SFMBT2: variants seen among roughly 807,000 people sequenced by gnomAD.
The protein encoded by SFMBT2 is Scm like with four mbt domains 2.
SFMBT2 carries 38 observed loss-of-function variants against 110.1 expected under a neutral mutation model. The observed-to-expected ratio is 0.35, with a 90% CI of 0.27 to 0.45. The LOEUF (loss-of-function observed/expected upper bound fraction) is 0.45. Among genes scored for constraint, SFMBT2 ranks in the 20% least tolerant of loss-of-function variants. The probability of loss-of-function intolerance (pLI) is 1.00; values close to 1 mark genes in which losing one functional copy is unlikely to be tolerated. For synonymous variants in SFMBT2, 425 were observed against 425.4 expected, an observed-to-expected ratio of 1.00 and a Z score of 0.01; for missense variants, 1,011 against 1,094.9, an observed-to-expected ratio of 0.92 and a Z score of 1.08.
intron 1 of SFMBT2, among the ~76,000 whole-genome samples, chr10:7,392,541 C>T (rs757231234): frequency 3.9e-5 from 6 of 152,098 alleles, no homozygotes; most frequent in Non-Finnish European, 8.8e-5. Flanking sequence ...AGTATCCTGC[C>T]ACTGTAATTT....
chr10:7,284,127 T>C lies in SFMBT2; in HGVS notation c.549A>G (p.Ile183Met), dbSNP rs1384307666. 1 of 1,614,126 alleles carries C rather than the reference T, an allele frequency of 6.2e-7. No homozygotes were observed. The highest frequency in any genetic ancestry group is 8.5e-7 in the Non-Finnish European group (1 of 1,180,002). ...LEGPLRGKGP[I>M]DLITVGSLIE... Reference sequence around the variant, plus strand: ...TTAAGGAACCAACTGTAATGAGGTCTATAGGGCCTTTCCCTCGCAGAGGCT... The same window carrying C: ...TTAAGGAACCAACTGTAATGAGGTCCATAGGGCCTTTCCCTCGCAGAGGCT... Residue 183 changes from isoleucine to methionine, a missense_variant, in exon 6 of 21, where the codon ATA (isoleucine) becomes ATG (methionine). Physicochemically the swap from Ile to Met is conservative, Grantham distance 10. Around this residue, in one of 2 missense-constraint regions of SFMBT2, gnomAD observed 979 missense variants for 1,016.1 expected, o/e 0.96. Coordinates refer to ENST00000397167, the MANE Select transcript of SFMBT2 (RefSeq NM_001387889.1).
chr10:7,301,077 A>C lies in SFMBT2; in HGVS notation c.437-15123T>G, dbSNP rs1352671372. On this transcript the variant is annotated intron_variant, in intron 4 of 20. Coordinates refer to ENST00000397167, the MANE Select transcript of SFMBT2 (RefSeq NM_001387889.1). The surrounding 1 kb of genome is among the most constrained non-coding windows in gnomAD (Gnocchi z 4.2). Reference sequence around the variant, plus strand: ...AGGTAACTCAGTGAAGGAAGGAGTAAACCCCAGATACCGTGGAAGCCCTGG... The same window carrying C: ...AGGTAACTCAGTGAAGGAAGGAGTACACCCCAGATACCGTGGAAGCCCTGG... Among the ~76,000 whole-genome samples the C allele has an allele frequency of 6.6e-6, 1 of 152,194 alleles. No homozygotes were observed.
chr10:7,305,172 T>C (rs952526537), intron 4 of SFMBT2, among the ~76,000 whole-genome samples: 4 of 152,158 alleles, frequency 2.6e-5, no homozygotes, highest in African/African-American at 9.7e-5. Context: ...ATCTCAAAAA[T>C]AAACCTTCAA....
chr10:7,308,528 G>A (rs1214248011), intron 4 of SFMBT2, among the ~76,000 whole-genome samples: 1 of 152,044 alleles, frequency 6.6e-6, no homozygotes, highest in East Asian at 1.9e-4. Context: ...ACATTAATGG[G>A]GCCAAGGACA....
intron 4 of SFMBT2, among the ~76,000 whole-genome samples, chr10:7,343,357 G>A (rs918024272): frequency 1.3e-5 from 2 of 152,080 alleles, no homozygotes; most frequent in Non-Finnish European, 2.9e-5. Flanking sequence ...GAACACACAC[G>A]TGCATGTGTC....
chr10:7,317,193 A>C (rs1233828105), intron 4 of SFMBT2, among the ~76,000 whole-genome samples: 3 of 151,896 alleles, frequency 2.0e-5, no homozygotes, highest in Non-Finnish European at 4.4e-5. Flanking sequence ...GCCCACACTA[A>C]ATCCATGGGC....
chr10:7,208,750 T>C (rs895378803), intron 11 of SFMBT2, among the ~76,000 whole-genome samples: 2 of 152,172 alleles, frequency 1.3e-5, no homozygotes, highest in East Asian at 3.9e-4. Flanking sequence ...ATTACAACTT[T>C]CATCTTCCAA....
chr10:7,175,927 T>A (rs141739754), intron 17 of SFMBT2, 63 bp downstream of exon 17: 1 of 1,450,314 alleles, frequency 6.9e-7, no homozygotes, highest in Non-Finnish European at 9.4e-7. Flanking sequence ...AAAAACCAAA[T>A]ACCTTAGAGT....
chr10:7,287,640 G>A (rs2131849945), intron 4 of SFMBT2, among the ~76,000 whole-genome samples: 1 of 152,270 alleles, frequency 6.6e-6, no homozygotes, highest in South Asian at 2.1e-4. Context: ...CCTCCACGTG[G>A]GCAGCCCGGG....
At chr10:7,346,788 G>A (rs1564451142) in intron 4 of SFMBT2, among the ~76,000 whole-genome samples, 4 of 149,076 alleles carry the variant, frequency 2.7e-5, no homozygotes. Flanking sequence ...TGGCCAACAT[G>A]GTGAAACCTC....
intron 6 of SFMBT2, among the ~76,000 whole-genome samples, chr10:7,282,290 C>A (rs1289780272): frequency 6.6e-6 from 1 of 152,152 alleles, no homozygotes; most frequent in East Asian, 1.9e-4. Context: ...CATTCCTGCT[C>A]GTGAGCGTGA....
chr10:7,234,688 G>C (rs79374258), intron 9 of SFMBT2, among the ~76,000 whole-genome samples: 426 of 152,210 alleles, frequency 2.8e-3, no homozygotes, highest in African/African-American at 9.9e-3. Flanking sequence ...CGGGCGGGAC[G>C]ATCTGACAGT....
At chr10:7,197,159 C>G (rs1157179914) in intron 15 of SFMBT2, among the ~76,000 whole-genome samples, 1 of 152,084 alleles carries the variant, frequency 6.6e-6, no homozygotes, top group Non-Finnish European at 1.5e-5. Flanking sequence ...TGATTAACAC[C>G]CTCTGCTGCC....
chr10:7,328,259 G>A (rs1418554159), intron 4 of SFMBT2, among the ~76,000 whole-genome samples: 4 of 152,176 alleles, frequency 2.6e-5, no homozygotes, highest in Non-Finnish European at 4.4e-5. Context: ...TTTGCCATCT[G>A]TATATCTTCT....
intron 20 of SFMBT2, among the ~76,000 whole-genome samples, chr10:7,168,016 C>T (rs1463776064): frequency 2.0e-5 from 3 of 151,280 alleles, no homozygotes; most frequent in South Asian, 4.2e-4. Context: ...TGCAGTGAGC[C>T]GAGATCGCGC....
intron 11 of SFMBT2, among the ~76,000 whole-genome samples, chr10:7,217,369 T>A (rs1447909143): frequency 6.6e-6 from 1 of 152,200 alleles, no homozygotes; most frequent in African/African-American, 2.4e-5. Flanking sequence ...TGAAAAATTT[T>A]TTCAATAAAA....
intron 2 of SFMBT2, among the ~76,000 whole-genome samples, chr10:7,376,221 C>T (rs1412264711): frequency 1.3e-5 from 2 of 152,164 alleles, no homozygotes; most frequent in African/African-American, 4.8e-5. Flanking sequence ...CGCACACTTC[C>T]TTCTTGGTGT....
chr10:7,211,898 G>A (rs892668228), intron 11 of SFMBT2, among the ~76,000 whole-genome samples: 9 of 152,168 alleles, frequency 5.9e-5, no homozygotes, highest in Non-Finnish European at 1.3e-4. Context: ...GGTGGGCTCA[G>A]ACGGGCTTCT....
chr10:7,217,495 A>G (rs776795134), intron 11 of SFMBT2, among the ~76,000 whole-genome samples: 16 of 152,192 alleles, frequency 1.1e-4, no homozygotes, highest in Admixed American at 2.0e-4. Context: ...GCATGTATAT[A>G]TTTAGCCAGG....
Sources: gnomAD v4.1 joint callset for allele counts (sites outside exome capture counted in the v4.1 genomes callset) on GRCh38, gnomAD v4.1.1 for gene constraint, gnomAD v4.1.1 regional missense constraint, Gnocchi (gnomAD v3.1) non-coding constraint, MANE v1.5 for transcripts, NCBI Gene and HGNC (gene_info 2026-07-23, HGNC 2026-07-21) for gene names.